Variants in CNIH2 observed in about 807,000 individuals in gnomAD.
The protein encoded by CNIH2 is protein cornichon homolog 2.
CNIH2 carries 8 observed loss-of-function variants against 22.9 expected under a neutral mutation model. The observed-to-expected ratio is 0.35, with a 90% CI of 0.20 to 0.63. The LOEUF is 0.63. Among genes scored for constraint, CNIH2 ranks in the 30% least tolerant of loss-of-function variants. The pLI, the probability that CNIH2 is intolerant of heterozygous loss-of-function variation, is 0.72. For synonymous variants in CNIH2, 74 were observed against 78.2 expected (o/e 0.95, Z 0.28); for missense variants, 105 against 206.2 (o/e 0.51, Z 3.01).
intron 1 of CNIH2, chr11:66,281,652 ACTCT>A (rs370881288): frequency 3.0e-6 from 1 of 333,788 alleles, no homozygotes; most frequent in East Asian, 8.3e-5. Flanking sequence ...CTCTTCCACC[ACTCT>A]CTCTTTTCTT....
At chr11:66,282,810 C>T (rs1857283344) in intron 3 of CNIH2, 30 bp downstream of exon 3, 1 of 1,597,564 alleles carries the variant, frequency 6.3e-7, no homozygotes, top group African/African-American at 1.3e-5. Flanking sequence ...GCAGGAGGCT[C>T]CTAGCCCAGC....
intron 2 of CNIH2, 186 bp from the exon 3 acceptor site, chr11:66,282,547 A>G (rs1857275362): frequency 1.2e-6 from 1 of 847,604 alleles, no homozygotes; most frequent in East Asian, 2.7e-5. Context: ...GTTGCCATGG[A>G]GACGCGGGTG....
At chr11:66,280,780 A>G (rs1857248572) in intron 1 of CNIH2, among the ~76,000 whole-genome samples, 1 of 152,016 alleles carries the variant, frequency 6.6e-6, no homozygotes, top group Admixed American at 6.6e-5. Flanking sequence ...AGGGGGGATG[A>G]TCCAGATGGC....
rs1394687354 is a variant in CNIH2 at position 66,283,054 on chromosome 11, C to A, written c.218C>A (p.Ser73Tyr). ...LLRKLVVPEY[S>Y]IHGLFCLMFL... ...CCCCAGCTGGTGGTCCCAGAATACT[C>A]CATCCACGGCCTCTTCTGTCTGATG... is the stretch of plus-strand genomic sequence containing the variant. The change falls in exon 4 of 6, where the codon TCC (serine) becomes TAC (tyrosine). Residue 73 changes from serine (S) to tyrosine (Y), a missense_variant. By Grantham distance (144) the Ser-to-Tyr change is moderately radical. Transcript: ENST00000311445. The A allele has an allele frequency of 1.2e-6, 2 of 1,614,034 alleles. No individual in the cohort carries two copies. Among genetic ancestry groups the A allele is most frequent in the East Asian group, 2.2e-5 (1 of 44,884 alleles).
In CNIH2 at chr11:66,283,669, C is replaced by T. The variant is rs373083100; in HGVS notation, c.*72C>T. The stretch of plus-strand genomic sequence containing the variant: ...TGCACCCCCAGCCCTGCCCCTTGGC[C>T]GCAGAGGCCTCAGCCCTGGGGAGGG... On this transcript the variant is annotated 3_prime_UTR_variant, in exon 6 of 6. Coordinates refer to ENST00000311445, the MANE Select transcript of CNIH2 (RefSeq NM_182553.3). The T allele has an allele frequency of 2.8e-5, 42 of 1,519,194 alleles. No homozygotes were observed. Among genetic ancestry groups the T allele is most frequent in the Admixed American group, 5.9e-5 (3 of 50,450 alleles). The allele number at this position is 1,519,194 out of a possible 1,614,324, so 94.1% of individuals were successfully genotyped here. A position where few individuals can be genotyped will look rare whatever the true frequency, so the allele number is the denominator to read the frequency against.
In CNIH2 at chr11:66,278,631, G is replaced by A. The variant is rs369011822; in HGVS notation, c.81+94G>A. ...CCAGGGCGGGTGGTCTCAGAGCCCAGGGGAAACTTGCTATCCCCCAGCCGT... is the reference window on the plus strand; with the variant it reads ...CCAGGGCGGGTGGTCTCAGAGCCCAAGGGAAACTTGCTATCCCCCAGCCGT... On this transcript the variant is annotated intron_variant, in intron 1 of 5. Coordinates refer to ENST00000311445, the MANE Select transcript of CNIH2 (RefSeq NM_182553.3). 28 of 943,338 alleles carry A rather than the reference G, an allele frequency of 3.0e-5. No homozygotes were observed. The East Asian group carries it at 3.4e-4, about 11-fold the overall frequency. The allele number at this position is 943,338 out of a possible 1,614,324, so 58.4% of individuals were successfully genotyped here. A position where few individuals can be genotyped will look rare whatever the true frequency, so the allele number is the denominator to read the frequency against.
Position 66,283,053 on chromosome 11 carries a change from T to C in CNIH2, c.217T>C (p.Ser73Pro). ...LLRKLVVPEY[S>P]IHGLFCLMFL... The stretch of plus-strand genomic sequence containing the variant: ...CCCCCAGCTGGTGGTCCCAGAATAC[T>C]CCATCCACGGCCTCTTCTGTCTGAT... The change falls in exon 4 of 6, where the codon TCC becomes CCC. Residue 73 changes from serine (S) to proline (P), a missense_variant. Coordinates refer to ENST00000311445, the MANE Select transcript of CNIH2 (RefSeq NM_182553.3). 1 of 1,613,904 alleles carries C rather than the reference T, an allele frequency of 6.2e-7. No individual in the cohort carries two copies. The highest frequency in any genetic ancestry group is 8.5e-7 in the Non-Finnish European group (1 of 1,179,896).
chr11:66,282,587 G>A, intron 2 of CNIH2, 146 bp from the exon 3 acceptor site: 1 of 991,982 alleles, frequency 1.0e-6, no homozygotes, highest in African/African-American at 1.6e-5. Context: ...GGTCGCCATG[G>A]GGACGGCGCG....
rs779416405 is a variant in CNIH2 at position 66,282,246 on chromosome 11, G to T, written c.82-13G>T. The T allele has an allele frequency of 6.2e-7, 1 of 1,612,514 alleles. No homozygotes were observed. Among genetic ancestry groups the T allele is most frequent in the Non-Finnish European group, 8.5e-7 (1 of 1,178,870 alleles). On this transcript the variant is annotated splice_polypyrimidine_tract_variant and intron_variant, in intron 1 of 5. Coordinates refer to ENST00000311445, the MANE Select transcript of CNIH2 (RefSeq NM_182553.3). ...GCTGCCCCAACCCTGACGGGCACAC[G>T]CCCCTCCCCCAGATCATAGCCTTTG...
intron 1 of CNIH2, 71 bp from the exon 2 acceptor site, chr11:66,282,188 C>T: frequency 1.5e-6 from 2 of 1,346,716 alleles, no homozygotes; most frequent in Non-Finnish European, 2.1e-6. Context: ...AGTAAACTAT[C>T]CCACAGAAGG....
rs1470938957 is a variant in CNIH2, at chr11:66,282,266, C to T, written c.89C>T (p.Ala30Val). Residue 30 changes from alanine (A) to valine (V), a missense_variant, in exon 2 of 6, where the codon GCC becomes GTC. Physicochemically the swap from Ala to Val is moderately conservative, Grantham distance 64. Transcript: ENST00000311445. ...LIFFVIWHII[A>V]FDELRTDFKN... Reference sequence around the variant, plus strand: ...CACACGCCCCTCCCCCAGATCATAGCCTTTGATGAGCTGCGGACCGACTTC... The same window carrying T: ...CACACGCCCCTCCCCCAGATCATAGTCTTTGATGAGCTGCGGACCGACTTC... 1 of 1,613,678 alleles carries T rather than the reference C, an allele frequency of 6.2e-7. No homozygotes were observed. Among genetic ancestry groups the T allele is most frequent in the Non-Finnish European group, 8.5e-7 (1 of 1,179,962 alleles).
chr11:66,282,429 G>GGGTTGGGGGGGGGGGGGGGGGGGGCC, intron 2 of CNIH2, 102 bp downstream of exon 2: 1 of 479,466 alleles, frequency 2.1e-6, no homozygotes, highest in East Asian at 5.8e-5. Context: ...GGGGTGGGGG[G>GGGTTGGGGGGGGGGGGGGGGGGGGCC]CCTACGGCCA....
chr11:66,282,965 CCT>C, intron 3 of CNIH2, 68 bp from the exon 4 acceptor site: 2 of 1,449,900 alleles, frequency 1.4e-6, no homozygotes, highest in Non-Finnish European at 1.9e-6. Context: ...AACCCCAGCT[CCT>C]CTCTGTCCCC....
intron 1 of CNIH2, among the ~76,000 whole-genome samples, chr11:66,281,071 A>G (rs1463317218): frequency 6.6e-6 from 1 of 152,138 alleles, no homozygotes; most frequent in Non-Finnish European, 1.5e-5. Flanking sequence ...TTCTGCCTTC[A>G]CTTCTCAGCC....
chr11:66,282,429 G>GGGGGGGGGGGGGGGGGGGGGGGGGGGC, intron 2 of CNIH2, 102 bp downstream of exon 2: 1 of 479,466 alleles, frequency 2.1e-6, no homozygotes, highest in Non-Finnish European at 4.2e-6. Flanking sequence ...GGGGTGGGGG[G>GGGGGGGGGGGGGGGGGGGGGGGGGGGC]CCTACGGCCA....
Position 66,278,544 on chromosome 11 carries a change from C to G in CNIH2, c.81+7C>G. On this transcript the variant is annotated splice_region_variant and intron_variant, in intron 1 of 5. Coordinates refer to ENST00000311445, the MANE Select transcript of CNIH2 (RefSeq NM_182553.3). Reference sequence around the variant, plus strand: ...CTTCTTTGTCATCTGGCACGTAAGGCCGGGCTGGGGCTGGGGCTGGGGGCG... The same window carrying G: ...CTTCTTTGTCATCTGGCACGTAAGGGCGGGCTGGGGCTGGGGCTGGGGGCG... The G allele has an allele frequency of 5.4e-6, 5 of 931,866 alleles. No individual in the cohort carries two copies. Among genetic ancestry groups the G allele is most frequent in the Non-Finnish European group, 7.6e-6 (5 of 656,312 alleles). 57.7% of individuals were successfully genotyped at this position (931,866 alleles called of 1,614,324 possible).
In CNIH2 at chr11:66,278,377, C is replaced by G; in HGVS notation, c.-80C>G. ...CCCCACGGGCCATGCCCGGCCGGCC[C>G]TAAGCGCGGGCCGGGGGGCGTCCCC... On this transcript the variant is annotated 5_prime_UTR_variant, in exon 1 of 6. Coordinates refer to ENST00000311445, the MANE Select transcript of CNIH2 (RefSeq NM_182553.3). The G allele has an allele frequency of 2.0e-6, 1 of 500,560 alleles. No homozygotes were observed. Among genetic ancestry groups the G allele is most frequent in the Non-Finnish European group, 2.6e-6 (1 of 386,000 alleles). The allele number at this position is 500,560 out of a possible 1,614,324, so 31.0% of individuals were successfully genotyped here.
At chr11:66,282,967 T>C in intron 3 of CNIH2, 68 bp from the exon 4 acceptor site, 1 of 1,464,590 alleles carries the variant, frequency 6.8e-7, no homozygotes, top group Non-Finnish European at 9.6e-7. Flanking sequence ...CCCCAGCTCC[T>C]CTCTGTCCCC....
At chr11:66,281,205 C>T (rs575531604) in intron 1 of CNIH2, among the ~76,000 whole-genome samples, 8 of 152,296 alleles carry the variant, frequency 5.3e-5, no homozygotes, top group African/African-American at 1.7e-4. Flanking sequence ...CAAACCGTCC[C>T]CTTGCTGGTC....
Sources: gnomAD v4.1 joint callset for allele counts (sites outside exome capture counted in the v4.1 genomes callset) on GRCh38, gnomAD v4.1.1 for gene constraint, MANE v1.5 for transcripts, NCBI Gene and HGNC (gene_info 2026-07-23, HGNC 2026-07-21) for gene names.